FBXL7: variants seen among roughly 807,000 people sequenced by gnomAD.
FBXL7 encodes the protein F-box/LRR-repeat protein 7.
In FBXL7, 12 loss-of-function variants were observed where a neutral mutation model predicts 38.3. The observed-to-expected ratio is 0.31, with a 90% confidence interval of 0.20 to 0.51. FBXL7 has a LOEUF of 0.51. FBXL7 is among the 20% of genes least tolerant of loss of function. The probability of loss-of-function intolerance (pLI) is 0.98; values close to 1 mark genes in which losing one functional copy is unlikely to be tolerated. For missense variants in FBXL7, 567 were observed against 676.4 expected (o/e 0.84, Z 1.79); for synonymous variants, 297 against 300.9 (o/e 0.99, Z 0.13).
intron 2 of FBXL7, among the ~76,000 whole-genome samples, chr5:15,710,990 A>G (rs2126642374): frequency 6.6e-6 from 1 of 152,244 alleles, no homozygotes; most frequent in Non-Finnish European, 1.5e-5. Context: ...GTCTTTCTCA[A>G]GAAATGCTGT....
At position 15,544,359 on chromosome 5, in the gene FBXL7, C is replaced by T. The variant is rs1737841558; in HGVS notation, c.37+43646C>T. On this transcript the variant is annotated intron_variant, in intron 1 of 3. Transcript: ENST00000504595. ...CCTTGTTTCAGTACGTCAAGGGAACCTCACATGAGAACTCACTGGAAATAC... is the reference window on the plus strand; with the variant it reads ...CCTTGTTTCAGTACGTCAAGGGAACTTCACATGAGAACTCACTGGAAATAC... 2.0e-5 allele frequency among the ~76,000 whole-genome samples: 3 copies of T among 152,204 alleles called. No individual in the cohort carries two copies. In the South Asian group the frequency reaches 6.2e-4, roughly 32 times the overall value.
At chr5:15,549,648 T>C (rs1207995485) in intron 1 of FBXL7, among the ~76,000 whole-genome samples, 1 of 152,226 alleles carries the variant, frequency 6.6e-6, no homozygotes, top group African/African-American at 2.4e-5. Context: ...ATTATTGTAT[T>C]TGAATTTTAT....
chr5:15,870,277 G>C (rs190577241), intron 2 of FBXL7, among the ~76,000 whole-genome samples: 2 of 152,200 alleles, frequency 1.3e-5, no homozygotes, highest in East Asian at 1.9e-4. Context: ...GGGTTGCATG[G>C]AGATGGGGGT....
chr5:15,774,033 A>G (rs1362155829), intron 2 of FBXL7, among the ~76,000 whole-genome samples: 1 of 152,020 alleles, frequency 6.6e-6, no homozygotes, highest in Non-Finnish European at 1.5e-5. Flanking sequence ...AAATTTAATG[A>G]CAAAAAAAAA....
chr5:15,593,493 T>G (rs1434771907), intron 1 of FBXL7, among the ~76,000 whole-genome samples: 1 of 152,032 alleles, frequency 6.6e-6, no homozygotes, highest in African/African-American at 2.4e-5. Context: ...CACTGCACTC[T>G]AGTCTGGGCG....
chr5:15,811,802 A>G (rs1176264313), intron 2 of FBXL7, among the ~76,000 whole-genome samples: 1 of 152,200 alleles, frequency 6.6e-6, no homozygotes, highest in South Asian at 2.1e-4. Flanking sequence ...ATCTCACACC[A>G]GTCAGAATGG....
chr5:15,720,797 A>G (rs1168227850), intron 2 of FBXL7, among the ~76,000 whole-genome samples: 1 of 91,636 alleles, frequency 1.1e-5, no homozygotes, highest in Non-Finnish European at 2.5e-5. Flanking sequence ...AAATATTATC[A>G]TTATTAGAGT....
At chr5:15,621,432 A>G (rs1206217580) in intron 2 of FBXL7, among the ~76,000 whole-genome samples, 1 of 151,944 alleles carries the variant, frequency 6.6e-6, no homozygotes, top group African/African-American at 2.4e-5. Context: ...TTTCTCATTC[A>G]TGGGGTATTC....
intron 2 of FBXL7, among the ~76,000 whole-genome samples, chr5:15,792,987 G>T (rs888155628): frequency 6.6e-6 from 1 of 152,184 alleles, no homozygotes; most frequent in African/African-American, 2.4e-5. Flanking sequence ...GGGAAGATTA[G>T]GTAGGAGAAA....
intron 3 of FBXL7, among the ~76,000 whole-genome samples, chr5:15,931,757 CTG>C (rs1268938030): frequency 6.6e-6 from 1 of 152,202 alleles, no homozygotes; most frequent in African/African-American, 2.4e-5. Flanking sequence ...CACATCCTAT[CTG>C]TGCATACGAT....
chr5:15,710,493 C>T lies in FBXL7; in HGVS notation c.127+94421C>T, dbSNP rs377146655. 2.5e-4 allele frequency among the ~76,000 whole-genome samples: 38 copies of T among 152,206 alleles called. 1 individual carries two copies. The South Asian group carries it at 7.9e-3, about 32-fold the overall frequency. On this transcript the variant is annotated intron_variant, in intron 2 of 3. Coordinates refer to ENST00000504595, the MANE Select transcript of FBXL7 (RefSeq NM_012304.5). Reference sequence around the variant, plus strand: ...GTCTTAAGTTAGACTCATACATGCACATGCACAAAAAAACACACTCTTGCT... The same window carrying T: ...GTCTTAAGTTAGACTCATACATGCATATGCACAAAAAAACACACTCTTGCT...
intron 2 of FBXL7, among the ~76,000 whole-genome samples, chr5:15,870,213 T>A (rs1184281599): frequency 6.6e-6 from 1 of 151,910 alleles, no homozygotes; most frequent in African/African-American, 2.4e-5. Context: ...ATGGGGATGA[T>A]GTTTTGGAGT....
In FBXL7 at chr5:15,927,764, TAAAAAAAAAAA is replaced by T. The variant is rs753935096; in HGVS notation, c.128-113_128-103del. 3.2e-4 allele frequency: 147 copies of T among 456,840 alleles called. 2 individuals are homozygous for T. The highest frequency in any genetic ancestry group is 1.8e-3 in the South Asian group (19 of 10,316). The allele number at this position is 456,840 out of a possible 1,614,324, so 28.3% of individuals were successfully genotyped here. ...CACTCCCGCCTGGGCGACAAGATCT[TAAAAAAAAAAA>T]AAAAAAAAAAAAGAAGAAGAAAGAA... On this transcript the variant is annotated intron_variant, in intron 2 of 3. Coordinates refer to ENST00000504595, the MANE Select transcript of FBXL7 (RefSeq NM_012304.5).
chr5:15,825,868 A>C (rs1483784150), intron 2 of FBXL7, among the ~76,000 whole-genome samples: 2 of 152,240 alleles, frequency 1.3e-5, no homozygotes, highest in African/African-American at 4.8e-5. Flanking sequence ...AGAGAGGAAG[A>C]AAAGGAGAAA....
At chr5:15,640,222 C>T (rs4702089) in intron 2 of FBXL7, among the ~76,000 whole-genome samples, 4,467 of 152,246 alleles carry the variant, frequency 0.029, 111 homozygotes, top group East Asian at 0.054. Flanking sequence ...CAGCAGCCGT[C>T]TTCCCTTTGA....
intron 2 of FBXL7, among the ~76,000 whole-genome samples, chr5:15,702,081 T>C (rs1668112586): frequency 6.6e-6 from 1 of 151,816 alleles, no homozygotes; most frequent in South Asian, 2.1e-4. Flanking sequence ...CTACTAAAAA[T>C]ACAAAAATTA....
At chr5:15,691,818 G>A (rs1385111762) in intron 2 of FBXL7, among the ~76,000 whole-genome samples, 3 of 152,070 alleles carry the variant, frequency 2.0e-5, no homozygotes, top group South Asian at 2.1e-4. Flanking sequence ...AGATGAAGTC[G>A]ACTGAGAAAA....
At chr5:15,625,484 C>T (rs1196497741) in intron 2 of FBXL7, among the ~76,000 whole-genome samples, 1 of 152,092 alleles carries the variant, frequency 6.6e-6, no homozygotes, top group Non-Finnish European at 1.5e-5. Flanking sequence ...GAAACCCCGT[C>T]TCTACTAAAA....
Position 15,604,398 on chromosome 5 carries a change from A to C in FBXL7, c.38-11585A>C, listed in dbSNP as rs116265743. On this transcript the variant is annotated intron_variant, in intron 1 of 3. Transcript: ENST00000504595. ...GAGACAGAGTCCTGCCCTGTTGCTC[A>C]GGCTGAAGTGCAGTGGCACAGTCTT... 8.2e-3 allele frequency among the ~76,000 whole-genome samples: 1,244 copies of C among 152,268 alleles called. 14 individuals carry two copies. The highest frequency in any genetic ancestry group is 0.028 in the African/African-American group (1,182 of 41,566).
Sources: allele counts gnomAD v4.1 joint callset (sites outside exome capture counted in the v4.1 genomes callset), GRCh38; gene constraint gnomAD v4.1.1; transcripts MANE v1.5; gene names NCBI Gene and HGNC (gene_info 2026-07-23, HGNC 2026-07-21).